CPLX2: variants seen among roughly 807,000 people sequenced by gnomAD.
CPLX2 encodes the protein complexin 2.
CPLX2 carries 5 observed loss-of-function variants against 16.3 expected under a neutral mutation model. That is an observed-to-expected ratio of 0.31 (90% CI 0.16 to 0.64). CPLX2 has a LOEUF of 0.64. CPLX2 is among the 30% of genes least tolerant of loss of function. The pLI is 0.79. For missense variants in CPLX2, 144 were observed against 181.4 expected, an observed-to-expected ratio of 0.79 and a Z score of 1.18; for synonymous variants, 89 against 73.2, an observed-to-expected ratio of 1.22 and a Z score of -1.10.
chr5:175,867,729 C>A (rs1336763349), upstream of CPLX2, among the ~76,000 whole-genome samples: 1 of 152,066 alleles, frequency 6.6e-6, no homozygotes, highest in African/African-American at 2.4e-5. Flanking sequence ...CTGCCACACG[C>A]TGATGATGAC....
chr5:175,812,292 G>A (rs368468180), intron 2 of CPLX2, among the ~76,000 whole-genome samples: 216 of 152,318 alleles, frequency 1.4e-3, no homozygotes, highest in African/African-American at 4.9e-3. Flanking sequence ...CAGCACCTGA[G>A]GGAGACAGGA....
At chr5:175,821,724 T>C (rs543573672) in intron 2 of CPLX2, among the ~76,000 whole-genome samples, 367 of 152,346 alleles carry the variant, frequency 2.4e-3, no homozygotes, top group Non-Finnish European at 4.1e-3. Flanking sequence ...TTACTTCTTA[T>C]TGGGACACTC....
At chr5:175,840,749 A>G (rs1758930304) in intron 2 of CPLX2, among the ~76,000 whole-genome samples, 1 of 152,266 alleles carries the variant, frequency 6.6e-6, no homozygotes, top group Non-Finnish European at 1.5e-5. Context: ...GGAAAAGGGC[A>G]GGCATGGAGA....
At position 175,855,867 on chromosome 5, in the gene CPLX2, C is replaced by T. The variant is rs533896451; in HGVS notation, c.-88-22785C>T. 7.2e-5 allele frequency among the ~76,000 whole-genome samples: 11 copies of T among 151,860 alleles called. No individual in the cohort carries two copies. The South Asian group carries it at 2.1e-3, about 29-fold the overall frequency. ...GGCCAGAGAACGGGAAAGAGTGGTT[C>T]CCCAAGGTAATATTAAGGTGCTATA... On this transcript the variant is annotated intron_variant, in intron 2 of 4. Coordinates refer to the CPLX2 transcript ENST00000359546.
intron 2 of CPLX2, among the ~76,000 whole-genome samples, chr5:175,855,742 C>T (rs1759242300): frequency 6.6e-6 from 1 of 152,150 alleles, no homozygotes; most frequent in South Asian, 2.1e-4. Context: ...TCTCACTGGA[C>T]CATCTTGGAT....
At chr5:175,800,755 C>G (rs1399653061) in intron 1 of CPLX2, among the ~76,000 whole-genome samples, 1 of 152,336 alleles carries the variant, frequency 6.6e-6, no homozygotes, top group Non-Finnish European at 1.5e-5. Flanking sequence ...GATGGTGATA[C>G]AGCAGAACAA....
rs11959081 is a variant in CPLX2, at chr5:175,811,291, G to A, written c.-89+2223G>A. ...AAAAGTCTTGAGAAGCAAACTTCAG[G>A]ATTAGGCTGTTGGTTGGCCTGTCTC... On this transcript the variant is annotated intron_variant, in intron 2 of 4. Transcript: ENST00000359546. 6.7e-3 allele frequency among the ~76,000 whole-genome samples: 1,014 copies of A among 152,288 alleles called. 12 individuals carry two copies. The highest frequency in any genetic ancestry group is 0.024 in the African/African-American group (985 of 41,570).
At position 175,880,146 on chromosome 5, in the gene CPLX2, C is replaced by T; in HGVS notation, c.*101C>T. The T allele has an allele frequency of 7.6e-7, 1 of 1,313,812 alleles. No individual in the cohort carries two copies. Among genetic ancestry groups the T allele is most frequent in the South Asian group, 1.3e-5 (1 of 78,922 alleles). 81.4% of individuals were successfully genotyped at this position (1,313,812 alleles called of 1,614,324 possible). On this transcript the variant is annotated 3_prime_UTR_variant, in exon 4 of 4. Coordinates refer to ENST00000393745, the MANE Select transcript of CPLX2 (RefSeq NM_001008220.2). ...GTCTCAATTCTGAAGGGGAAAACCT[C>T]AGTTGGCCTCTGCCCCTCTTCCCTG... is the stretch of plus-strand genomic sequence containing the variant.
At position 175,875,348 on chromosome 5, in the gene CPLX2, T is replaced by C. The variant is rs369463762; in HGVS notation, c.-88-3304T>C. 2.9e-4 allele frequency among the ~76,000 whole-genome samples: 44 copies of C among 152,126 alleles called. 1 individual carries two copies. In the South Asian group the frequency reaches 8.7e-3, roughly 30 times the overall value. On this transcript the variant is annotated intron_variant, in intron 1 of 3. Transcript: ENST00000393745. ...GGAATCCAGGGCACAGGTAGATGAA[T>C]TGGCTTCAGCCAGGAGAGGGCTTCT...
At chr5:175,857,100 C>T (rs546462978) in intron 2 of CPLX2, among the ~76,000 whole-genome samples, 1 of 152,222 alleles carries the variant, frequency 6.6e-6, no homozygotes, top group African/African-American at 2.4e-5. Flanking sequence ...AGGCCTCTCA[C>T]TAGGGCTGAT....
At chr5:175,864,411 T>G (rs1245671213) in intron 2 of CPLX2, among the ~76,000 whole-genome samples, 2 of 152,218 alleles carry the variant, frequency 1.3e-5, no homozygotes, top group Non-Finnish European at 2.9e-5. Flanking sequence ...CCATCTGGCT[T>G]GCAAGCTGTG....
intron 2 of CPLX2, among the ~76,000 whole-genome samples, chr5:175,834,420 G>GT (rs1218442731): frequency 6.6e-6 from 1 of 152,206 alleles, no homozygotes. Flanking sequence ...AATGGACTAA[G>GT]TAGACGCAGA....
rs1163059703 is a variant in CPLX2, at chr5:175,845,495, G to C, written c.-88-33157G>C. ...TGGCAGATTATCCCATCAGGCAAAG[G>C]TCACTCCCCCTCATGAGGGCCACTC... is the stretch of plus-strand genomic sequence containing the variant. On this transcript the variant is annotated intron_variant, in intron 2 of 4. Coordinates refer to the CPLX2 transcript ENST00000359546. The surrounding 1 kb of genome is among the most constrained non-coding windows in gnomAD (Gnocchi z 4.0). 6.6e-6 allele frequency among the ~76,000 whole-genome samples: 1 copy of C among 152,224 alleles called. No individual in the cohort carries two copies.
intron 1 of CPLX2, among the ~76,000 whole-genome samples, chr5:175,876,291 A>G (rs190838990): frequency 6.6e-6 from 1 of 152,166 alleles, no homozygotes; most frequent in Non-Finnish European, 1.5e-5. Flanking sequence ...GTGAATATAG[A>G]GGTCTAGGTG....
At position 175,849,564 on chromosome 5, in the gene CPLX2, TGCTACCAC is replaced by T. The variant is rs1398123890; in HGVS notation, c.-88-29084_-88-29077del. Among the ~76,000 whole-genome samples, 1 of 152,002 alleles carries T rather than the reference TGCTACCAC, an allele frequency of 6.6e-6. No individual in the cohort carries two copies. Among genetic ancestry groups the T allele is most frequent in the East Asian group, 1.9e-4 (1 of 5,184 alleles). On this transcript the variant is annotated intron_variant, in intron 2 of 4. Coordinates refer to the CPLX2 transcript ENST00000359546. This position sits in a 1 kb window ranked among gnomAD's most constrained non-coding sequence, Gnocchi z 4.4. ...CAGAGACTCTCCCTGCACAAGGGGGTGCTACCACGCTGGACAGGGGACCACACTGGCTG... is the reference window on the plus strand; with the variant it reads ...CAGAGACTCTCCCTGCACAAGGGGGTGCTGGACAGGGGACCACACTGGCTG...
At chr5:175,867,561 C>T (rs1373580895), upstream of CPLX2, among the ~76,000 whole-genome samples, 3 of 152,282 alleles carry the variant, frequency 2.0e-5, no homozygotes, top group South Asian at 6.2e-4. Flanking sequence ...TCTTGCCTTA[C>T]AGCCAAATGC....
intron 2 of CPLX2, among the ~76,000 whole-genome samples, chr5:175,831,194 G>C (rs778518901): frequency 7.9e-5 from 12 of 152,142 alleles, no homozygotes; most frequent in Non-Finnish European, 1.6e-4. Flanking sequence ...ACGTGTGTCT[G>C]TCAGTCTCCC....
intron 2 of CPLX2, among the ~76,000 whole-genome samples, chr5:175,817,826 C>T (rs1005614912): frequency 4.6e-5 from 7 of 152,090 alleles, no homozygotes; most frequent in African/African-American, 1.7e-4. Context: ...AACAGAGAAA[C>T]CCATCACACA....
At chr5:175,854,009 T>G (rs1759205263) in intron 2 of CPLX2, among the ~76,000 whole-genome samples, 1 of 152,178 alleles carries the variant, frequency 6.6e-6, no homozygotes, top group Admixed American at 6.5e-5. Flanking sequence ...AAGCCTGGCA[T>G]CAGCCTGGGA....
Sources: gnomAD v4.1 joint callset for allele counts (sites outside exome capture counted in the v4.1 genomes callset) on GRCh38, gnomAD v4.1.1 for gene constraint, Gnocchi (gnomAD v3.1) non-coding constraint, MANE v1.5 for transcripts, NCBI Gene and HGNC (gene_info 2026-07-23, HGNC 2026-07-21) for gene names.